SLC45A1: variants seen among roughly 807,000 people sequenced by gnomAD.
SLC45A1 encodes solute carrier family 45 member 1, also known as proton-associated sugar transporter A.
SLC45A1 carries 28 observed loss-of-function variants against 57.6 expected under a neutral mutation model. That is an observed-to-expected ratio of 0.49 (90% CI 0.36 to 0.67). The LOEUF (loss-of-function observed/expected upper bound fraction) is 0.67, where lower values mean the gene tolerates loss of function less well. Ranked by LOEUF, SLC45A1 falls within the 30% of genes least tolerant of loss-of-function variation. SLC45A1 has a pLI of 0.00. For synonymous variants in SLC45A1, 459 were observed against 471.5 expected, an observed-to-expected ratio of 0.97 and a Z score of 0.34; for missense variants, 814 against 1,041.5, an observed-to-expected ratio of 0.78 and a Z score of 3.01.
At chr1:8,320,734 C>CACACACACACACACACACACACACTT (rs1553149616) in intron 1 of SLC45A1, among the ~76,000 whole-genome samples, 3 of 149,424 alleles carry the variant, frequency 2.0e-5, no homozygotes, top group African/African-American at 7.5e-5. Context: ...CACACACACA[C>CACACACACACACACACACACACACTT]CTGCCATATG....
rs1303167478 is a variant in SLC45A1 at position 8,327,040 on chromosome 1, A to G, written c.715+998A>G. ...TTCCAGTATGAGCGTGGAGACGAGA[A>G]GGCAGAGCTCAGCCCTGCGGGGCCT... On this transcript the variant is annotated intron_variant, in intron 4 of 8. Coordinates refer to ENST00000471889, the MANE Select transcript of SLC45A1 (RefSeq NM_001080397.3). The surrounding 1 kb of genome is among the most constrained non-coding windows in gnomAD (Gnocchi z 4.3). Among the ~76,000 whole-genome samples, 4 of 152,352 alleles carry G rather than the reference A, an allele frequency of 2.6e-5. No individual in the cohort carries two copies. Among genetic ancestry groups the G allele is most frequent in the Non-Finnish European group, 4.4e-5 (3 of 68,028 alleles).
Position 8,335,700 on chromosome 1 carries a change from C to CACCAGCCCCCAACAACAGCACCA in SLC45A1, c.1597+112_1597+134dup. ...TCCCTTCCCAGAACCTTTCTGAGTT[C>CACCAGCCCCCAACAACAGCACCA]ACCAGCCCCCAACAACAGCACCAAG... On this transcript the variant is annotated intron_variant, in intron 6 of 8. Coordinates refer to ENST00000471889, the MANE Select transcript of SLC45A1 (RefSeq NM_001080397.3). This position sits in a 1 kb window ranked among gnomAD's most constrained non-coding sequence, Gnocchi z 4.1. 2 of 1,237,514 alleles carry CACCAGCCCCCAACAACAGCACCA rather than the reference C, an allele frequency of 1.6e-6. No individual in the cohort carries two copies. Among genetic ancestry groups the CACCAGCCCCCAACAACAGCACCA allele is most frequent in the Non-Finnish European group, 2.2e-6 (2 of 916,362 alleles). The allele number at this position is 1,237,514 out of a possible 1,614,324, so 76.7% of individuals were successfully genotyped here.
intron 1 of SLC45A1, 41 bp downstream of exon 1, chr1:8,318,227 T>G: frequency 2.4e-6 from 1 of 416,048 alleles, no homozygotes; most frequent in Admixed American, 4.4e-5. Context: ...GCTCTCTGGC[T>G]CCGTGCCTGC....
intron 7 of SLC45A1, among the ~76,000 whole-genome samples, 200 bp from the exon 8 acceptor site, chr1:8,339,293 G>GGA (rs1640725968): frequency 1.3e-5 from 2 of 152,278 alleles, no homozygotes; most frequent in Non-Finnish European, 2.9e-5. Context: ...CCCTGTCCTG[G>GGA]GCACCCACCA....
In SLC45A1 at chr1:8,343,300, C is replaced by A. The variant is rs147838960; in HGVS notation, c.1981-447C>A. On this transcript the variant is annotated intron_variant, in intron 8 of 8. Coordinates refer to ENST00000471889, the MANE Select transcript of SLC45A1 (RefSeq NM_001080397.3). The surrounding 1 kb of genome is among the most constrained non-coding windows in gnomAD (Gnocchi z 7.7). ...AGTGACGTGCCCAAGCTGGAGGCCA[C>A]GAGGACCTTGGAGCCTCGGACAGAG... 6.6e-6 allele frequency among the ~76,000 whole-genome samples: 1 copy of A among 152,204 alleles called. No homozygotes were observed. Among genetic ancestry groups the A allele is most frequent in the Non-Finnish European group, 1.5e-5 (1 of 68,040 alleles).
intron 8 of SLC45A1, among the ~76,000 whole-genome samples, chr1:8,342,212 AATAC>A (rs1198237360): frequency 6.6e-6 from 1 of 152,218 alleles, no homozygotes; most frequent in Non-Finnish European, 1.5e-5. Flanking sequence ...GTCTCAAATA[AATAC>A]ATACATACAT....
chr1:8,341,597 C>T (rs1004247302), intron 8 of SLC45A1, among the ~76,000 whole-genome samples: 1 of 147,230 alleles, frequency 6.8e-6, no homozygotes, highest in Admixed American at 6.8e-5. Flanking sequence ...TGCTGAGCCA[C>T]CTCATATTGG....
At chr1:8,334,334 G>A (rs527561022) in intron 5 of SLC45A1, among the ~76,000 whole-genome samples, 55 of 152,338 alleles carry the variant, frequency 3.6e-4, no homozygotes, top group African/African-American at 1.2e-3. Context: ...CCTGGGAGCC[G>A]GCACTGCGGC....
chr1:8,342,737 A>G (rs1204868346), intron 8 of SLC45A1, among the ~76,000 whole-genome samples: 1 of 152,122 alleles, frequency 6.6e-6, no homozygotes, highest in East Asian at 1.9e-4. Context: ...CTCTAAAAAA[A>G]TAAAATTAAA....
rs966193042 is a variant in SLC45A1, at chr1:8,326,916, G to T, written c.715+874G>T. 2.0e-5 allele frequency among the ~76,000 whole-genome samples: 3 copies of T among 152,216 alleles called. No homozygotes were observed. The highest frequency in any genetic ancestry group is 4.4e-5 in the Non-Finnish European group (3 of 68,044). The stretch of plus-strand genomic sequence containing the variant: ...AATCACTTGAATCCGGGAGGCGGAG[G>T]TTGCAGTGAACTGAGATCGCACTAT... On this transcript the variant is annotated intron_variant, in intron 4 of 8. Transcript: ENST00000471889. The surrounding 1 kb of genome is among the most constrained non-coding windows in gnomAD (Gnocchi z 5.5).
At chr1:8,320,177 G>A (rs1237453445) in intron 1 of SLC45A1, among the ~76,000 whole-genome samples, 7 of 152,182 alleles carry the variant, frequency 4.6e-5, no homozygotes, top group African/African-American at 1.7e-4. Flanking sequence ...TTTAATTCTG[G>A]TTCAGATGCT....
chr1:8,334,386 G>A (rs549953186), intron 5 of SLC45A1, among the ~76,000 whole-genome samples: 2 of 152,258 alleles, frequency 1.3e-5, no homozygotes, highest in African/African-American at 4.8e-5. Flanking sequence ...AGGGCGGACC[G>A]CACCACAGAC....
rs1640248481 is a variant in SLC45A1 at position 8,327,828 on chromosome 1, C to T, written c.715+1786C>T. ...GGTGAATCACTTGAGGTCAGGCGTTCAAGACCAGCCTGGCCAACATGACAA... is the reference window on the plus strand; with the variant it reads ...GGTGAATCACTTGAGGTCAGGCGTTTAAGACCAGCCTGGCCAACATGACAA... On this transcript the variant is annotated intron_variant, in intron 4 of 8. Transcript: ENST00000471889. This position sits in a 1 kb window ranked among gnomAD's most constrained non-coding sequence, Gnocchi z 4.3. 6.6e-6 allele frequency among the ~76,000 whole-genome samples: 1 copy of T among 152,114 alleles called. No homozygotes were observed. The highest frequency in any genetic ancestry group is 1.9e-4 in the East Asian group (1 of 5,194).
Position 8,335,432 on chromosome 1 carries a change from C to A in SLC45A1, c.1444-5C>A, listed in dbSNP as rs1352621675. 2 of 1,582,920 alleles carry A rather than the reference C, an allele frequency of 1.3e-6. No homozygotes were observed. The highest frequency in any genetic ancestry group is 1.3e-5 in the African/African-American group (1 of 74,628). On this transcript the variant is annotated splice_region_variant and splice_polypyrimidine_tract_variant and intron_variant, in intron 5 of 8. Transcript: ENST00000471889. The surrounding 1 kb of genome is among the most constrained non-coding windows in gnomAD (Gnocchi z 4.1). ...TCTGATGAGGGGTTTGTGGGCTCTT[C>A]CCAGGTGGCCAATATCCTGCTCAAC... is the stretch of plus-strand genomic sequence containing the variant.
chr1:8,342,923 AAG>A (rs2124332872), intron 8 of SLC45A1, among the ~76,000 whole-genome samples: 1 of 150,234 alleles, frequency 6.7e-6, no homozygotes, highest in African/African-American at 2.5e-5. Context: ...GAAAAGAGAA[AAG>A]AAAGAAAGAA....
Position 8,330,001 on chromosome 1 carries a change from GGTGGCTGT to G in SLC45A1, c.716-206_716-199del. 4.9e-6 allele frequency: 3 copies of G among 606,570 alleles called. No individual in the cohort carries two copies. The highest frequency in any genetic ancestry group is 8.6e-6 in the Non-Finnish European group (3 of 347,054). 37.6% of individuals were successfully genotyped at this position (606,570 alleles called of 1,614,324 possible). A position where few individuals can be genotyped will look rare whatever the true frequency, so the allele number is the denominator to read the frequency against. On this transcript the variant is annotated intron_variant, in intron 4 of 8. Coordinates refer to ENST00000471889, the MANE Select transcript of SLC45A1 (RefSeq NM_001080397.3). This position sits in a 1 kb window ranked among gnomAD's most constrained non-coding sequence, Gnocchi z 8.4. Reference sequence around the variant, plus strand: ...GGGTCACACCAGGAAGGGCCCTGCAGGTGGCTGTGCAGGACAGGAGGGGGACCTCCTCA... The same window carrying G: ...GGGTCACACCAGGAAGGGCCCTGCAGGCAGGACAGGAGGGGGACCTCCTCA...
At chr1:8,320,943 G>A (rs1639994258) in intron 1 of SLC45A1, among the ~76,000 whole-genome samples, 2 of 152,234 alleles carry the variant, frequency 1.3e-5, no homozygotes, top group African/African-American at 4.8e-5. Context: ...AGCATACGTG[G>A]GGCTGTGACC....
At chr1:8,338,500 C>T (rs576493543) in intron 7 of SLC45A1, among the ~76,000 whole-genome samples, 8 of 152,360 alleles carry the variant, frequency 5.3e-5, no homozygotes, top group African/African-American at 1.7e-4. Flanking sequence ...AGGGCGAAGC[C>T]GAGGTGCCAT....
chr1:8,334,974 G>A (rs2124314637), intron 5 of SLC45A1, among the ~76,000 whole-genome samples: 1 of 152,250 alleles, frequency 6.6e-6, no homozygotes, highest in South Asian at 2.1e-4. Flanking sequence ...GGGCCGCCCT[G>A]TCTTCTGTGT....
Sources: gnomAD v4.1 joint callset for allele counts (sites outside exome capture counted in the v4.1 genomes callset) on GRCh38, gnomAD v4.1.1 for gene constraint, Gnocchi (gnomAD v3.1) non-coding constraint, MANE v1.5 for transcripts, NCBI Gene and HGNC (gene_info 2026-07-23, HGNC 2026-07-21) for gene names.